Variants in KCNIP3 observed in about 807,000 individuals in gnomAD.
KCNIP3 encodes calsenilin.
KCNIP3 carries 28 observed loss-of-function variants against 35.0 expected under a neutral mutation model. The ratio of observed to expected loss-of-function variants is 0.80; its 90% CI spans 0.59 to 1.10. KCNIP3 has a LOEUF of 1.10. Among genes scored for constraint, KCNIP3 ranks in the 50% least tolerant of loss-of-function variants. The probability of loss-of-function intolerance (pLI) is 0.00; values close to 1 mark genes in which losing one functional copy is unlikely to be tolerated. For synonymous variants in KCNIP3, 134 were observed against 133.8 expected, an observed-to-expected ratio of 1.00 and a Z score of -0.01; for missense variants, 295 against 338.4, an observed-to-expected ratio of 0.87 and a Z score of 1.01.
intron 5 of KCNIP3, among the ~76,000 whole-genome samples, chr2:95,380,468 C>G (rs1361319568): frequency 1.3e-5 from 2 of 152,210 alleles, no homozygotes; most frequent in Admixed American, 6.5e-5. Context: ...TGTCCCACTT[C>G]GCTGGTACAG....
In KCNIP3 at chr2:95,384,413, A is replaced by G. The variant is rs570378754; in HGVS notation, c.*364A>G. 69 of 307,530 alleles carry G rather than the reference A, an allele frequency of 2.2e-4. No homozygotes were observed. Among genetic ancestry groups the G allele is most frequent in the African/African-American group, 1.2e-3 (55 of 47,022 alleles). 19.1% of individuals were successfully genotyped at this position (307,530 alleles called of 1,614,324 possible). ...CGAGTGCCCCTGCAGGGGAGGGTCC[A>G]ATCTCCGGTGTGAGCCCACCTCGTC... On this transcript the variant is annotated 3_prime_UTR_variant, in exon 9 of 9. Transcript: ENST00000295225.
At chr2:95,368,343 A>T (rs1362223203) in intron 2 of KCNIP3, among the ~76,000 whole-genome samples, 2 of 152,124 alleles carry the variant, frequency 1.3e-5, no homozygotes, top group Admixed American at 1.3e-4. Flanking sequence ...ATCCAACAGC[A>T]TAAGAATGAC....
chr2:95,382,553 C>A lies in KCNIP3; in HGVS notation c.660+72C>A. On this transcript the variant is annotated intron_variant, in intron 7 of 8. Transcript: ENST00000295225. The surrounding 1 kb of genome is among the most constrained non-coding windows in gnomAD (Gnocchi z 4.5). ...AGGGGCTCTCGCTTTTGGGGCCACCCCGGGCAAGTGGCTTGCCCCTCTGAG... is the reference window on the plus strand; with the variant it reads ...AGGGGCTCTCGCTTTTGGGGCCACCACGGGCAAGTGGCTTGCCCCTCTGAG... 2 of 1,137,902 alleles carry A rather than the reference C, an allele frequency of 1.8e-6. No homozygotes were observed. Among genetic ancestry groups the A allele is most frequent in the Non-Finnish European group, 2.5e-6 (2 of 795,822 alleles). 70.5% of individuals were successfully genotyped at this position (1,137,902 alleles called of 1,614,324 possible). A position where few individuals can be genotyped will look rare whatever the true frequency, so the allele number is the denominator to read the frequency against.
chr2:95,300,987 A>G (rs1156392655), intron 1 of KCNIP3, among the ~76,000 whole-genome samples: 1 of 152,162 alleles, frequency 6.6e-6, no homozygotes. Flanking sequence ...CCTTTATCAC[A>G]TGGACAGTAG....
chr2:95,338,496 C>T (rs1679115218), intron 2 of KCNIP3, among the ~76,000 whole-genome samples: 1 of 152,142 alleles, frequency 6.6e-6, no homozygotes, highest in South Asian at 2.1e-4. Context: ...CTGAGTCCTT[C>T]CCACTGCCAT....
rs1680218240 is a variant in KCNIP3 at position 95,377,045 on chromosome 2, C to T, written c.447+1837C>T. Among the ~76,000 whole-genome samples, 1 of 152,224 alleles carries T rather than the reference C, an allele frequency of 6.6e-6. No homozygotes were observed. Among genetic ancestry groups the T allele is most frequent in the African/African-American group, 2.4e-5 (1 of 41,448 alleles). ...CTCAACAGAGCCAAGCGGGCGATGC[C>T]ATCCCCACACCCCACCTTGGAGTGG... On this transcript the variant is annotated intron_variant, in intron 5 of 8. Transcript: ENST00000295225. The surrounding 1 kb of genome is among the most constrained non-coding windows in gnomAD (Gnocchi z 4.7).
chr2:95,378,377 C>G lies in KCNIP3; in HGVS notation c.447+3169C>G, dbSNP rs575917172. ...TCCTGGCCTCAAGCAATTCTCCTGT[C>G]TCAGCCTCCCAAAGTGCTGGAATTG... is the stretch of plus-strand genomic sequence containing the variant. On this transcript the variant is annotated intron_variant, in intron 5 of 8. Coordinates refer to ENST00000295225, the MANE Select transcript of KCNIP3 (RefSeq NM_013434.5). This position sits in a 1 kb window ranked among gnomAD's most constrained non-coding sequence, Gnocchi z 4.0. Among the ~76,000 whole-genome samples the G allele has an allele frequency of 9.8e-4, 149 of 152,182 alleles. No homozygotes were observed. The highest frequency in any genetic ancestry group is 1.8e-3 in the Non-Finnish European group (125 of 68,010).
At chr2:95,315,575 T>A (rs1678433745) in intron 2 of KCNIP3, among the ~76,000 whole-genome samples, 4 of 152,054 alleles carry the variant, frequency 2.6e-5, no homozygotes, top group African/African-American at 7.2e-5. Flanking sequence ...CATCCATGAA[T>A]CAGTGTAAAC....
chr2:95,381,008 AC>A (rs1680322977), intron 5 of KCNIP3, among the ~76,000 whole-genome samples: 2 of 152,120 alleles, frequency 1.3e-5, no homozygotes, highest in Non-Finnish European at 2.9e-5. Flanking sequence ...AAAAACAACA[AC>A]AAACAAAAAG....
chr2:95,304,652 C>A (rs1393735217), intron 1 of KCNIP3, among the ~76,000 whole-genome samples: 19 of 152,298 alleles, frequency 1.2e-4, no homozygotes, highest in Admixed American at 2.6e-4. Flanking sequence ...AATCCATTAC[C>A]GGATTTGGGG....
rs1678786758 is a variant in KCNIP3 at position 95,326,287 on chromosome 2, A to G, written c.181+15767A>G. Among the ~76,000 whole-genome samples, 4 of 151,780 alleles carry G rather than the reference A, an allele frequency of 2.6e-5. 1 individual carries two copies. The South Asian group carries it at 8.3e-4, about 32-fold the overall frequency. Reference sequence around the variant, plus strand: ...TCACACATACACTCACTACACATACACACTCATTACACACATACACATACA... The same window carrying G: ...TCACACATACACTCACTACACATACGCACTCATTACACACATACACATACA... On this transcript the variant is annotated intron_variant, in intron 2 of 8. Transcript: ENST00000295225.
intron 2 of KCNIP3, among the ~76,000 whole-genome samples, chr2:95,344,502 C>G (rs186163721): frequency 6.6e-6 from 1 of 152,334 alleles, no homozygotes; most frequent in Non-Finnish European, 1.5e-5. Flanking sequence ...ATATTTTACA[C>G]GGCACAGCCA....
intron 1 of KCNIP3, among the ~76,000 whole-genome samples, chr2:95,305,149 A>G (rs753722448): frequency 3.9e-5 from 6 of 152,184 alleles, no homozygotes; most frequent in Non-Finnish European, 5.9e-5. Flanking sequence ...AGACAATGAC[A>G]GTTCTGTCAC....
intron 1 of KCNIP3, among the ~76,000 whole-genome samples, chr2:95,301,432 C>T (rs1250609572): frequency 5.9e-5 from 9 of 152,212 alleles, no homozygotes; most frequent in Non-Finnish European, 1.2e-4. Flanking sequence ...CCTGACTGCA[C>T]CAGCAGACCT....
intron 2 of KCNIP3, among the ~76,000 whole-genome samples, chr2:95,352,227 C>G (rs1472748114): frequency 6.6e-6 from 1 of 152,204 alleles, no homozygotes; most frequent in Non-Finnish European, 1.5e-5. Flanking sequence ...GCACTCCAGC[C>G]TGGGCAACAG....
At chr2:95,327,968 G>A (rs950478889) in intron 2 of KCNIP3, among the ~76,000 whole-genome samples, 4 of 152,210 alleles carry the variant, frequency 2.6e-5, no homozygotes, top group South Asian at 2.1e-4. Flanking sequence ...TTGGGTTGTC[G>A]GGGACAGACC....
chr2:95,327,885 G>A (rs1678833425), intron 2 of KCNIP3, among the ~76,000 whole-genome samples: 1 of 152,222 alleles, frequency 6.6e-6, no homozygotes, highest in African/African-American at 2.4e-5. Flanking sequence ...CCACCTTGCA[G>A]GTCCCCTTCC....
chr2:95,384,411 C>A lies in KCNIP3; in HGVS notation c.*362C>A, dbSNP rs1680434782. 6.3e-6 allele frequency: 2 copies of A among 315,164 alleles called. No homozygotes were observed. Among genetic ancestry groups the A allele is most frequent in the African/African-American group, 4.2e-5 (2 of 47,248 alleles). The allele number at this position is 315,164 out of a possible 1,614,324, so 19.5% of individuals were successfully genotyped here. A position where few individuals can be genotyped will look rare whatever the true frequency, so the allele number is the denominator to read the frequency against. On this transcript the variant is annotated 3_prime_UTR_variant, in exon 9 of 9. Coordinates refer to ENST00000295225, the MANE Select transcript of KCNIP3 (RefSeq NM_013434.5). ...CTCGAGTGCCCCTGCAGGGGAGGGT[C>A]CAATCTCCGGTGTGAGCCCACCTCG...
rs981237982 is a variant in KCNIP3, at chr2:95,374,225, T to C, written c.182-71T>C. The C allele has an allele frequency of 6.4e-6, 10 of 1,573,184 alleles. No homozygotes were observed. The Admixed American group carries it at 1.8e-4, about 28-fold the overall frequency. Reference sequence around the variant, plus strand: ...CCACCTGCTATTTTGGCCCATGCCCTGGCCACACTGGAGCAAGATGGAGGA... The same window carrying C: ...CCACCTGCTATTTTGGCCCATGCCCCGGCCACACTGGAGCAAGATGGAGGA... On this transcript the variant is annotated intron_variant, in intron 2 of 8. Coordinates refer to ENST00000295225, the MANE Select transcript of KCNIP3 (RefSeq NM_013434.5).
Sources: gnomAD v4.1 joint callset for allele counts (sites outside exome capture counted in the v4.1 genomes callset) on GRCh38, gnomAD v4.1.1 for gene constraint, Gnocchi (gnomAD v3.1) non-coding constraint, MANE v1.5 for transcripts, NCBI Gene and HGNC (gene_info 2026-07-23, HGNC 2026-07-21) for gene names.